SCN7A: variants seen among roughly 807,000 people sequenced by gnomAD.
The protein encoded by SCN7A is sodium voltage-gated channel alpha subunit 7.
SCN7A carries 138 observed loss-of-function variants against 155.2 expected under a neutral mutation model. That is an observed-to-expected ratio of 0.89 (90% CI 0.77 to 1.02). The LOEUF (loss-of-function observed/expected upper bound fraction) is 1.02, where lower values mean the gene tolerates loss of function less well. Ranked by LOEUF, SCN7A falls within the 50% of genes least tolerant of loss-of-function variation. SCN7A has a pLI of 0.00. For missense variants in SCN7A, 2,058 were observed against 1,986.6 expected, an observed-to-expected ratio of 1.04 and a Z score of -0.68; for synonymous variants, 693 against 649.0, an observed-to-expected ratio of 1.07 and a Z score of -1.03.
At chr2:166,434,680 A>G (rs998045599) in intron 15 of SCN7A, among the ~76,000 whole-genome samples, 3 of 152,158 alleles carry the variant, frequency 2.0e-5, no homozygotes, top group African/African-American at 7.2e-5. Context: ...TCAAAGGACA[A>G]CAGTTTCCTG....
At chr2:166,427,672 T>A (rs777591363) in intron 18 of SCN7A, 116 bp downstream of exon 18, 13 of 808,068 alleles carry the variant, frequency 1.6e-5, no homozygotes, top group Non-Finnish European at 1.4e-5. Context: ...TTGGTGCTAT[T>A]TGGTGCTATA....
intron 18 of SCN7A, among the ~76,000 whole-genome samples, chr2:166,423,667 A>T (rs999021206): frequency 6.6e-6 from 1 of 152,046 alleles, no homozygotes; most frequent in African/African-American, 2.4e-5. Flanking sequence ...ACTAGTTCTT[A>T]TATAGGCTGA....
At chr2:166,420,774 ACTTTT>A (rs967772795) in intron 20 of SCN7A, among the ~76,000 whole-genome samples, 1 of 151,986 alleles carries the variant, frequency 6.6e-6, no homozygotes, top group Non-Finnish European at 1.5e-5. Context: ...TAAAATTCAA[ACTTTT>A]CTTTCATTCA....
chr2:166,407,282 G>C (rs912436196), intron 25 of SCN7A, among the ~76,000 whole-genome samples: 1 of 151,892 alleles, frequency 6.6e-6, no homozygotes, highest in Non-Finnish European at 1.5e-5. Flanking sequence ...TTGTAGCTGT[G>C]GTAGTTAGAT....
chr2:166,450,611 T>C (rs1428781550), intron 11 of SCN7A, among the ~76,000 whole-genome samples: 1 of 152,062 alleles, frequency 6.6e-6, no homozygotes, highest in Non-Finnish European at 1.5e-5. Flanking sequence ...CTGGCCAACA[T>C]GGTGAAACCC....
intron 11 of SCN7A, among the ~76,000 whole-genome samples, chr2:166,450,539 C>T (rs1313978967): frequency 6.6e-6 from 1 of 152,090 alleles, no homozygotes; most frequent in Non-Finnish European, 1.5e-5. Context: ...TGGTGGCTCA[C>T]GCCTGTAATC....
Position 166,406,062 on chromosome 2 carries a change from T to C in SCN7A, c.4567A>G (p.Lys1523Glu), listed in dbSNP as rs1701064149. 7 of 1,612,824 alleles carry C rather than the reference T, an allele frequency of 4.3e-6. No homozygotes were observed. Among genetic ancestry groups the C allele is most frequent in the African/African-American group, 1.3e-5 (1 of 74,940 alleles). ...TGGGTCCTATCAGGATCAAACCTTT[T>C]CCATACCTGAAAGAATTTCCTAAAA... ...DDFRKFFQVW[K>E]RFDPDRTQYI... The change falls in exon 26 of 26, where the codon AAA (lysine) becomes GAA (glutamate). Residue 1523 changes from lysine (K) to glutamate (E), a missense_variant. Physicochemically the swap from Lys to Glu is moderately conservative, Grantham distance 56. Transcript: ENST00000643258.
intron 20 of SCN7A, among the ~76,000 whole-genome samples, chr2:166,419,618 C>G (rs1034393948): frequency 1.3e-5 from 2 of 152,054 alleles, no homozygotes; most frequent in African/African-American, 4.8e-5. Context: ...CTGCTGGCCT[C>G]GGTCTCCCAA....
At chr2:166,440,018 T>G (rs1701924699) in intron 15 of SCN7A, among the ~76,000 whole-genome samples, 1 of 152,202 alleles carries the variant, frequency 6.6e-6, no homozygotes, top group Non-Finnish European at 1.5e-5. Context: ...GAATCATGTT[T>G]TAATAAGCCA....
At chr2:166,456,727 A>T in intron 11 of SCN7A, 143 bp downstream of exon 11, 1 of 382,038 alleles carries the variant, frequency 2.6e-6, no homozygotes, top group East Asian at 5.6e-5. Context: ...CCACCATGGG[A>T]CCAGCAATGA....
Position 166,444,765 on chromosome 2 carries a change from G to T in SCN7A, c.1623C>A (p.Asn541Lys), listed in dbSNP as rs919850574. 2 of 1,526,956 alleles carry T rather than the reference G, an allele frequency of 1.3e-6. No homozygotes were observed. Among genetic ancestry groups the T allele is most frequent in the Non-Finnish European group, 1.8e-6 (2 of 1,112,788 alleles). The allele number at this position is 1,526,956 out of a possible 1,614,324, so 94.6% of individuals were successfully genotyped here. ...TAATGTACAATGAGAGTCTTACCAGGTTTCCAATGTTGAGAAGAGTGTTAG... is the reference window on the plus strand; with the variant it reads ...TAATGTACAATGAGAGTCTTACCAGTTTTCCAATGTTGAGAAGAGTGTTAG... Reference protein sequence around the residue: ...KQTNTLLNIGNLVFIGIFTAE... With the variant: ...KQTNTLLNIGKLVFIGIFTAE... The change falls in exon 13 of 26, where the codon AAC becomes AAA. Residue 541 changes from asparagine to lysine, a missense_variant. Asn to Lys is a moderately conservative substitution (Grantham distance 94, BLOSUM62 0). Transcript: ENST00000643258.
intron 15 of SCN7A, among the ~76,000 whole-genome samples, chr2:166,436,917 C>T (rs568706398): frequency 2.4e-4 from 37 of 152,192 alleles, no homozygotes; most frequent in African/African-American, 8.7e-4. Flanking sequence ...TTCTAAGTGG[C>T]AAAGTGTTCA....
chr2:166,489,699 T>G (rs77439575), intron 1 of SCN7A, among the ~76,000 whole-genome samples: 2 of 152,228 alleles, frequency 1.3e-5, no homozygotes, highest in African/African-American at 4.8e-5. Context: ...TCTAGGCTGC[T>G]TAATTGACTT....
rs191415801 is a variant in SCN7A, at chr2:166,422,739, T to G, written c.3027+520A>C. Among the ~76,000 whole-genome samples, 172 of 152,240 alleles carry G rather than the reference T, an allele frequency of 1.1e-3. 1 individual carries two copies. Among genetic ancestry groups the G allele is most frequent in the African/African-American group, 3.8e-3 (157 of 41,556 alleles). On this transcript the variant is annotated intron_variant, in intron 19 of 25. Coordinates refer to ENST00000643258, the MANE Select transcript of SCN7A (RefSeq NM_002976.4). ...TGAGATGGGTGTTTAACATAAGGTT[T>G]CAAGAGAAGTGACATGAGCTGACTT...
Position 166,470,635 on chromosome 2 carries a change from T to G in SCN7A, c.644A>C (p.Lys215Thr). ...CTTACCTTGATTTAAAGGAATAATT[T>G]TTAAAATTCTCAAAGTTCTTGCAGT... ...LQTARTLRIL[K>T]IIPLNQGLKS... Residue 215 changes from lysine (K) to threonine (T), a missense_variant, in exon 7 of 26, where the codon AAA (lysine) becomes ACA (threonine). Physicochemically the swap from Lys to Thr is moderately conservative, Grantham distance 78. Coordinates refer to ENST00000643258, the MANE Select transcript of SCN7A (RefSeq NM_002976.4). 6.2e-7 allele frequency: 1 copy of G among 1,607,148 alleles called. No individual in the cohort carries two copies. The highest frequency in any genetic ancestry group is 8.5e-7 in the Non-Finnish European group (1 of 1,175,910).
intron 1 of SCN7A, among the ~76,000 whole-genome samples, chr2:166,487,818 T>C (rs1423725954): frequency 6.6e-6 from 1 of 152,162 alleles, no homozygotes; most frequent in Non-Finnish European, 1.5e-5. Context: ...AGTGGATCAA[T>C]AGACTGAGGA....
At position 166,423,372 on chromosome 2, in the gene SCN7A, C is replaced by G; in HGVS notation, c.2914G>C (p.Asp972His). The G allele has an allele frequency of 1.9e-6, 3 of 1,607,444 alleles. No individual in the cohort carries two copies. The highest frequency in any genetic ancestry group is 2.5e-6 in the Non-Finnish European group (3 of 1,177,616). ...KTIKILLEYA[D>H]MIFTYIFILE... ...ATGAAGATATAAGTAAAGATCATGT[C>G]AGCATATTCTAATAAAATTTTAATT... Residue 972 changes from aspartate (D) to histidine (H), a missense_variant, in exon 19 of 26, where the codon GAC becomes CAC. Transcript: ENST00000643258.
chr2:166,434,793 G>C (rs1177481867), intron 15 of SCN7A, among the ~76,000 whole-genome samples: 4 of 152,160 alleles, frequency 2.6e-5, no homozygotes, highest in Non-Finnish European at 5.9e-5. Flanking sequence ...ACAGAAGGCT[G>C]TTAGTGTGTT....
chr2:166,473,988 G>T, intron 4 of SCN7A, 100 bp from the exon 5 acceptor site: 2 of 610,798 alleles, frequency 3.3e-6, no homozygotes, highest in South Asian at 2.9e-5. Context: ...TAATCTTATT[G>T]AACAACAATG....
Sources: allele counts gnomAD v4.1 joint callset (sites outside exome capture counted in the v4.1 genomes callset), GRCh38; gene constraint gnomAD v4.1.1; transcripts MANE v1.5; gene names NCBI Gene and HGNC (gene_info 2026-07-23, HGNC 2026-07-21).